The following NEDD4L variants were observed in gnomAD, a reference collection of about 807,000 sequenced individuals.
NEDD4L encodes NEDD4 like E3 ubiquitin protein ligase.
A neutral mutation model predicts 148.9 loss-of-function variants in NEDD4L; 54 were observed. That is an observed-to-expected ratio of 0.36 (90% confidence interval 0.29 to 0.45). The LOEUF (loss-of-function observed/expected upper bound fraction) is 0.45. Among genes scored for constraint, NEDD4L ranks in the 20% least tolerant of loss-of-function variants. The pLI, the probability that NEDD4L is intolerant of heterozygous loss-of-function variation, is 1.00. For missense variants in NEDD4L, 856 were observed against 1,233.8 expected (o/e 0.69, Z 4.59); for synonymous variants, 433 against 440.7 (o/e 0.98, Z 0.22).
At chr18:58,104,283 G>A (rs1421595437) in intron 1 of NEDD4L, among the ~76,000 whole-genome samples, 3 of 152,194 alleles carry the variant, frequency 2.0e-5, no homozygotes, top group South Asian at 4.1e-4. Flanking sequence ...ACACAGATTT[G>A]TGGTTTGGTT....
At chr18:58,368,105 A>G (rs1292718366) in intron 22 of NEDD4L, among the ~76,000 whole-genome samples, 1 of 152,220 alleles carries the variant, frequency 6.6e-6, no homozygotes, top group East Asian at 1.9e-4. Context: ...TAAAACACAG[A>G]ACATTATGTA....
At chr18:58,214,449 C>T (rs2042926136) in intron 2 of NEDD4L, among the ~76,000 whole-genome samples, 1 of 152,194 alleles carries the variant, frequency 6.6e-6, no homozygotes, top group Non-Finnish European at 1.5e-5. Flanking sequence ...CTGTTGATCT[C>T]TCCAAGCCTT....
At chr18:58,123,781 G>C (rs906917013) in intron 1 of NEDD4L, among the ~76,000 whole-genome samples, 1 of 152,062 alleles carries the variant, frequency 6.6e-6, no homozygotes, top group African/African-American at 2.4e-5. Flanking sequence ...CGTTCAGTCA[G>C]TGAGACCCCC....
chr18:58,103,572 A>G (rs1303866498), intron 1 of NEDD4L, among the ~76,000 whole-genome samples: 2 of 152,158 alleles, frequency 1.3e-5, no homozygotes, highest in Admixed American at 6.5e-5. Context: ...TCCTTAGTTC[A>G]TGCACAGACA....
At chr18:58,221,643 A>C in intron 2 of NEDD4L, 1 of 985,428 alleles carries the variant, frequency 1.0e-6, no homozygotes, top group South Asian at 4.7e-5. Context: ...TAAAACTGGG[A>C]AGGAGGAAGA....
At chr18:58,324,054 C>G (rs962567004) in intron 8 of NEDD4L, among the ~76,000 whole-genome samples, 1 of 152,250 alleles carries the variant, frequency 6.6e-6, no homozygotes, top group Non-Finnish European at 1.5e-5. Flanking sequence ...TACCCGAACA[C>G]TCCTCCGCCT....
intron 5 of NEDD4L, among the ~76,000 whole-genome samples, chr18:58,255,067 G>A (rs554000534): frequency 5.3e-5 from 8 of 152,192 alleles, no homozygotes; most frequent in African/African-American, 1.7e-4. Context: ...ATTCCGTGTG[G>A]CGGAAGGTGG....
chr18:58,368,082 T>C (rs1292895707), intron 22 of NEDD4L, among the ~76,000 whole-genome samples: 3 of 152,256 alleles, frequency 2.0e-5, no homozygotes, highest in Non-Finnish European at 4.4e-5. Context: ...AAAGTTTTTT[T>C]TTAACTTCAG....
At chr18:58,070,241 AT>A (rs1290290052) in intron 1 of NEDD4L, among the ~76,000 whole-genome samples, 1 of 151,748 alleles carries the variant, frequency 6.6e-6, no homozygotes, top group African/African-American at 2.4e-5. Context: ...TGACCAAAAA[AT>A]TTTTTATTTT....
At chr18:58,357,925 C>A (rs912602671) in intron 19 of NEDD4L, among the ~76,000 whole-genome samples, 3 of 152,194 alleles carry the variant, frequency 2.0e-5, no homozygotes, top group African/African-American at 7.2e-5. Context: ...AATGGGACCA[C>A]ACTCATCAGC....
chr18:58,242,549 G>A (rs1440059295), intron 2 of NEDD4L, among the ~76,000 whole-genome samples: 1 of 152,034 alleles, frequency 6.6e-6, no homozygotes, highest in Admixed American at 6.5e-5. Context: ...CGCCCATCCT[G>A]GAGTGCAGTG....
chr18:58,283,982 G>A (rs1200504502), intron 5 of NEDD4L, among the ~76,000 whole-genome samples: 1 of 152,200 alleles, frequency 6.6e-6, no homozygotes, highest in Non-Finnish European at 1.5e-5. Flanking sequence ...ATCAGGTGAT[G>A]CTTCTACAAG....
intron 2 of NEDD4L, among the ~76,000 whole-genome samples, chr18:58,194,282 C>A (rs967563009): frequency 6.6e-5 from 10 of 152,168 alleles, no homozygotes; most frequent in African/African-American, 2.2e-4. Context: ...GTGATGCGGC[C>A]TCTTGGCCCA....
chr18:58,367,046 A>T (rs1264820372), intron 21 of NEDD4L: 1 of 152,300 alleles, frequency 6.6e-6, no homozygotes, highest in Non-Finnish European at 1.5e-5. Context: ...ACTATGTACA[A>T]TGTATCCAAC....
At chr18:58,122,709 T>G (rs931760010) in intron 1 of NEDD4L, among the ~76,000 whole-genome samples, 17 of 152,122 alleles carry the variant, frequency 1.1e-4, no homozygotes, top group African/African-American at 4.1e-4. Context: ...TGTCCACCCA[T>G]CCCACTGATG....
intron 1 of NEDD4L, among the ~76,000 whole-genome samples, chr18:58,155,269 G>GA (rs35699329): frequency 3.4e-4 from 42 of 124,566 alleles, no homozygotes; most frequent in African/African-American, 5.0e-4. Context: ...CTTGTGTTTT[G>GA]AAAAAAAAAA....
intron 1 of NEDD4L, among the ~76,000 whole-genome samples, chr18:58,138,525 TGTC>T (rs1216478308): frequency 6.6e-6 from 1 of 152,194 alleles, no homozygotes; most frequent in Non-Finnish European, 1.5e-5. Flanking sequence ...CATCTTCACC[TGTC>T]CCTCTTCCCT....
chr18:58,212,098 A>C (rs765723035), intron 2 of NEDD4L, among the ~76,000 whole-genome samples: 44 of 152,210 alleles, frequency 2.9e-4, no homozygotes, highest in Admixed American at 2.6e-4. Context: ...CGCACAAGCT[A>C]TAAAAAGAGA....
At chr18:58,092,747 C>T (rs1310923093) in intron 1 of NEDD4L, among the ~76,000 whole-genome samples, 5 of 147,006 alleles carry the variant, frequency 3.4e-5, no homozygotes. Flanking sequence ...ATGTGGTGCA[C>T]ATGAGCAAAA....
Sources: gnomAD v4.1 joint callset for allele counts (sites outside exome capture counted in the v4.1 genomes callset) on GRCh38, gnomAD v4.1.1 for gene constraint, MANE v1.5 for transcripts, NCBI Gene and HGNC (gene_info 2026-07-23, HGNC 2026-07-21) for gene names.